TOP6BL: variants seen among roughly 807,000 people sequenced by gnomAD.
TOP6BL encodes the protein type 2 DNA topoisomerase 6 subunit B-like.
the TOP6BL span, among the ~76,000 whole-genome samples, chr11:66,757,555 A>G: frequency 6.6e-6 from 1 of 152,054 alleles, no homozygotes; most frequent in African/African-American, 2.4e-5. Context: ...GTGACTATGG[A>G]GTGCTTGAAA....
the TOP6BL span, among the ~76,000 whole-genome samples, chr11:66,777,736 A>G: frequency 6.6e-6 from 1 of 151,924 alleles, no homozygotes; most frequent in Non-Finnish European, 1.5e-5. Context: ...CTAAAAATAC[A>G]AAAAAATAGC....
the TOP6BL span, among the ~76,000 whole-genome samples, chr11:66,782,015 C>T: frequency 6.6e-6 from 1 of 152,156 alleles, no homozygotes; most frequent in Non-Finnish European, 1.5e-5. Flanking sequence ...TGACCTTGTA[C>T]AGGCTTGTTT....
the TOP6BL span, chr11:66,762,370 A>G: frequency 3.5e-4 from 130 of 370,654 alleles, no homozygotes; most frequent in African/African-American, 2.9e-3. Context: ...AGCCCAGCAT[A>G]TGGGGCACTC....
chr11:66,842,117 C>T, the TOP6BL span, among the ~76,000 whole-genome samples: 9 of 151,716 alleles, frequency 5.9e-5, no homozygotes, highest in Non-Finnish European at 1.3e-4. Context: ...GCAGTAGGAT[C>T]GCTTGAGCCC....
chr11:66,836,371 G>A, the TOP6BL span, among the ~76,000 whole-genome samples: 80 of 151,776 alleles, frequency 5.3e-4, no homozygotes, highest in African/African-American at 1.9e-3. Flanking sequence ...TACCACGCCC[G>A]GCTAATTTTT....
chr11:66,821,603 G>A, the TOP6BL span: 7 of 1,557,692 alleles, frequency 4.5e-6, no homozygotes, highest in Non-Finnish European at 5.2e-6. Flanking sequence ...AGTGAGGGGA[G>A]GTAGATATAG....
the TOP6BL span, among the ~76,000 whole-genome samples, chr11:66,792,322 G>A: frequency 1.3e-5 from 2 of 152,050 alleles, no homozygotes; most frequent in South Asian, 4.1e-4. Context: ...CTCATCTACT[G>A]AACTGTGAAC....
chr11:66,816,754 T>C, the TOP6BL span, among the ~76,000 whole-genome samples: 2 of 152,206 alleles, frequency 1.3e-5, no homozygotes, highest in African/African-American at 4.8e-5. Context: ...TTTGTATTAT[T>C]ATTTTTTGTA....
the TOP6BL span, among the ~76,000 whole-genome samples, chr11:66,782,636 G>A: frequency 6.6e-6 from 1 of 152,148 alleles, no homozygotes; most frequent in African/African-American, 2.4e-5. Flanking sequence ...CTAACCTGGT[G>A]AGTTTCCCTT....
chr11:66,824,417 GTATT>G, the TOP6BL span, among the ~76,000 whole-genome samples: 1 of 124,024 alleles, frequency 8.1e-6, no homozygotes, highest in Non-Finnish European at 1.6e-5. Context: ...GGCTAATTTT[GTATT>G]TATTATTATT....
the TOP6BL span, among the ~76,000 whole-genome samples, chr11:66,751,179 C>T: frequency 1.3e-5 from 2 of 151,970 alleles, no homozygotes; most frequent in African/African-American, 4.8e-5. Context: ...CCATGCCTGA[C>T]TAATTTTTGT....
the TOP6BL span, among the ~76,000 whole-genome samples, chr11:66,794,640 T>C: frequency 6.6e-6 from 1 of 152,328 alleles, no homozygotes; most frequent in Admixed American, 6.5e-5. Context: ...TGTAAAATCA[T>C]CACCTAGTGG....
the TOP6BL span, among the ~76,000 whole-genome samples, chr11:66,799,487 C>A: frequency 6.6e-6 from 1 of 151,240 alleles, no homozygotes; most frequent in Non-Finnish European, 1.5e-5. Context: ...GGGTGGATCA[C>A]TCACTTGGGT....
At chr11:66,823,609 C>T in the TOP6BL span, among the ~76,000 whole-genome samples, 1 of 151,914 alleles carries the variant, frequency 6.6e-6, no homozygotes, top group African/African-American at 2.4e-5. Context: ...TGCTTGAGGT[C>T]AGGAGTTCAT....
chr11:66,785,308 G>A, the TOP6BL span, among the ~76,000 whole-genome samples: 1 of 151,970 alleles, frequency 6.6e-6, no homozygotes, highest in African/African-American at 2.4e-5. Context: ...ATTTACGACA[G>A]TGTTTCCTTG....
chr11:66,773,128 G>A, the TOP6BL span, among the ~76,000 whole-genome samples: 1 of 152,048 alleles, frequency 6.6e-6, no homozygotes, highest in Non-Finnish European at 1.5e-5. Flanking sequence ...GGAGTATGGT[G>A]GGGCGATCTC....
chr11:66,821,128 A>C, the TOP6BL span, among the ~76,000 whole-genome samples: 1 of 152,148 alleles, frequency 6.6e-6, no homozygotes, highest in African/African-American at 2.4e-5. Flanking sequence ...CTCAGAAACC[A>C]GTGTTATCAT....
At chr11:66,781,390 TTC>T in the TOP6BL span, among the ~76,000 whole-genome samples, 7 of 152,190 alleles carry the variant, frequency 4.6e-5, no homozygotes, top group African/African-American at 1.7e-4. Context: ...GTTATAGAAT[TTC>T]TTTTTGGTTC....
At chr11:66,789,650 G>T in the TOP6BL span, among the ~76,000 whole-genome samples, 1 of 152,204 alleles carries the variant, frequency 6.6e-6, no homozygotes, top group East Asian at 1.9e-4. Context: ...TCTAGGAAAT[G>T]AGGTTCTGTG....
Sources: gnomAD v4.1 joint callset for allele counts (sites outside exome capture counted in the v4.1 genomes callset) on GRCh38, gnomAD v4.1.1 for gene constraint, MANE v1.5 for transcripts, NCBI Gene and HGNC (gene_info 2026-07-23, HGNC 2026-07-21) for gene names.